SLC4A5: variants seen among roughly 807,000 people sequenced by gnomAD.
SLC4A5 encodes the protein solute carrier family 4 member 5.
SLC4A5 carries 96 observed loss-of-function variants against 120.4 expected under a neutral mutation model. The ratio of observed to expected loss-of-function variants is 0.80; its 90% CI spans 0.68 to 0.94. The LOEUF is 0.94. Ranked by LOEUF, SLC4A5 falls within the 40% of genes least tolerant of loss-of-function variation. The pLI, the probability that SLC4A5 is intolerant of heterozygous loss-of-function variation, is 0.00. For synonymous variants in SLC4A5, 550 were observed against 571.1 expected, an observed-to-expected ratio of 0.96 and a Z score of 0.53; for missense variants, 1,259 against 1,459.5, an observed-to-expected ratio of 0.86 and a Z score of 2.24.
chr2:74,321,422 C>T (rs1432022645), intron 5 of SLC4A5, among the ~76,000 whole-genome samples: 1 of 152,080 alleles, frequency 6.6e-6, no homozygotes, highest in East Asian at 1.9e-4. Context: ...ATAGAGTTGC[C>T]AGGTTTAGCA....
At chr2:74,260,587 T>C (rs1180370560) in intron 11 of SLC4A5, among the ~76,000 whole-genome samples, 2 of 152,050 alleles carry the variant, frequency 1.3e-5, no homozygotes, top group Non-Finnish European at 2.9e-5. Flanking sequence ...TTCCACTCAA[T>C]GCCCCTCCCT....
intron 5 of SLC4A5, chr2:74,319,277 G>A (rs1024321321): frequency 1.3e-5 from 2 of 152,108 alleles, no homozygotes; most frequent in Non-Finnish European, 2.9e-5. Context: ...CACTATTCGG[G>A]TGATGAGTAC....
At chr2:74,280,587 G>A (rs1671781113) in intron 8 of SLC4A5, among the ~76,000 whole-genome samples, 1 of 152,188 alleles carries the variant, frequency 6.6e-6, no homozygotes, top group African/African-American at 2.4e-5. Flanking sequence ...TGGCTCCACT[G>A]GAAGGTTGAT....
At chr2:74,224,873 TCTCTTC>T (rs1558864736) in exon 28 of SLC4A5, 1 of 1,613,568 alleles carries the variant, frequency 6.2e-7, no homozygotes, top group South Asian at 1.1e-5. Flanking sequence ...CCCCTTTTTT[TCTCTTC>T]CTCTTCTTGT....
chr2:74,338,743 G>C (rs1198135891), intron 3 of SLC4A5, 112 bp downstream of exon 3: 2 of 152,252 alleles, frequency 1.3e-5, no homozygotes, highest in Non-Finnish European at 2.9e-5. Context: ...GAACCCAGTA[G>C]GCAGAGGTTG....
chr2:74,293,834 G>C (rs1324292277), intron 7 of SLC4A5, among the ~76,000 whole-genome samples: 2 of 152,204 alleles, frequency 1.3e-5, no homozygotes, highest in Non-Finnish European at 2.9e-5. Flanking sequence ...TGAAATTCTA[G>C]AGTGTGGAGA....
At position 74,264,144 on chromosome 2, in the gene SLC4A5, C is replaced by T; in HGVS notation, c.715+3G>A. The T allele has an allele frequency of 6.2e-7, 1 of 1,613,074 alleles. No individual in the cohort carries two copies. The highest frequency in any genetic ancestry group is 8.5e-7 in the Non-Finnish European group (1 of 1,179,512). On this transcript the variant is annotated splice_donor_region_variant and intron_variant, in intron 10 of 30. Transcript: ENST00000394019. ...ATGCCTACCAGCGTAAGGCCTGACTCACTTGTGGTGGAGACTGACTTCCCA... is the reference window on the plus strand; with the variant it reads ...ATGCCTACCAGCGTAAGGCCTGACTTACTTGTGGTGGAGACTGACTTCCCA...
At chr2:74,233,643 C>T in intron 22 of SLC4A5, 80 bp from the exon 23 acceptor site, 1 of 1,454,416 alleles carries the variant, frequency 6.9e-7, no homozygotes, top group Non-Finnish European at 9.1e-7. Context: ...GCTGTCCCAC[C>T]TCCTCAACTT....
intron 5 of SLC4A5, among the ~76,000 whole-genome samples, chr2:74,326,762 T>C (rs1418941812): frequency 2.0e-5 from 3 of 152,144 alleles, no homozygotes; most frequent in African/African-American, 4.8e-5. Context: ...GAGGTTGCAG[T>C]GAGCTGAGAT....
At position 74,304,481 on chromosome 2, in the gene SLC4A5, G is replaced by T. The variant is rs770030625; in HGVS notation, c.271+8C>A. The T allele has an allele frequency of 3.1e-6, 5 of 1,604,372 alleles. No homozygotes were observed. The highest frequency in any genetic ancestry group is 1.1e-5 in the South Asian group (1 of 89,568). ...GGCTCCCCAGAATGTACCCCTCAAG[G>T]AACTCACGAGTCCTGCTGATAAGAT... is the stretch of plus-strand genomic sequence containing the variant. On this transcript the variant is annotated splice_region_variant and intron_variant, in intron 7 of 30. Transcript: ENST00000394019.
chr2:74,219,181 GT>G (rs1694538669), intron 30 of SLC4A5, among the ~76,000 whole-genome samples: 2 of 76,304 alleles, frequency 2.6e-5, no homozygotes, highest in Non-Finnish European at 5.4e-5. Context: ...TTGGAGGTGT[GT>G]GTGTGTGTGT....
chr2:74,304,964 G>C (rs1672597364), intron 6 of SLC4A5, among the ~76,000 whole-genome samples: 1 of 152,154 alleles, frequency 6.6e-6, no homozygotes, highest in Admixed American at 6.5e-5. Context: ...GTGATTACTG[G>C]ATATGGCTTA....
chr2:74,286,299 G>A (rs1008860204), intron 7 of SLC4A5, among the ~76,000 whole-genome samples: 7 of 152,144 alleles, frequency 4.6e-5, no homozygotes, highest in African/African-American at 1.7e-4. Context: ...CTCCAACACT[G>A]GTCTTGAAAA....
chr2:74,270,810 G>A (rs1292679941), intron 8 of SLC4A5, among the ~76,000 whole-genome samples: 2 of 152,200 alleles, frequency 1.3e-5, no homozygotes, highest in African/African-American at 2.4e-5. Flanking sequence ...TACATAGAAT[G>A]GTGTGACTTA....
chr2:74,221,655 CTTAG>C (rs1694651477), intron 29 of SLC4A5, among the ~76,000 whole-genome samples, 154 bp from the exon 30 acceptor site: 1 of 152,158 alleles, frequency 6.6e-6, no homozygotes, highest in Non-Finnish European at 1.5e-5. Flanking sequence ...TGGCTTCGGG[CTTAG>C]TTACTCCTTC....
At chr2:74,328,127 T>A in exon 5 of SLC4A5, 1 of 985,900 alleles carries the variant, frequency 1.0e-6, no homozygotes, top group Non-Finnish European at 1.2e-6. Flanking sequence ...TACCTTTGTG[T>A]TCTTAGCTCT....
chr2:74,294,838 AT>A (rs1303715221), intron 7 of SLC4A5, among the ~76,000 whole-genome samples: 1 of 151,854 alleles, frequency 6.6e-6, no homozygotes, highest in African/African-American at 2.4e-5. Context: ...CGCCCGGCTA[AT>A]TTTTATATTT....
rs868423095 is a variant in SLC4A5, at chr2:74,276,604, G to A, written c.401+9169C>T. On this transcript the variant is annotated intron_variant, in intron 8 of 30. Coordinates refer to ENST00000394019, the Ensembl canonical transcript of SLC4A5. The stretch of plus-strand genomic sequence containing the variant: ...TCTCATAGGCAACTTGAAGAATTCT[G>A]AAAGTTCTGGTTGGTATTAGAGGCA... Among the ~76,000 whole-genome samples the A allele has an allele frequency of 6.1e-5, 9 of 147,560 alleles. No individual in the cohort carries two copies. The South Asian group carries it at 8.5e-4, about 14-fold the overall frequency.
chr2:74,235,919 G>A lies in SLC4A5; in HGVS notation c.2320-705C>T, dbSNP rs549580195. ...GTCTCAGGACAGATGGTCCCCCAAC[G>A]TCTACCCTGTGGCCTTTTTAATATC... On this transcript the variant is annotated intron_variant, in intron 21 of 30. Transcript: ENST00000394019. 6.6e-5 allele frequency among the ~76,000 whole-genome samples: 10 copies of A among 152,264 alleles called. No homozygotes were observed. In the South Asian group the frequency reaches 1.5e-3, roughly 22 times the overall value.
Sources: allele counts gnomAD v4.1 joint callset (sites outside exome capture counted in the v4.1 genomes callset), GRCh38; gene constraint gnomAD v4.1.1; transcripts MANE v1.5; gene names NCBI Gene and HGNC (gene_info 2026-07-23, HGNC 2026-07-21).